The following LRRIQ1 variants were observed in gnomAD, a reference collection of about 807,000 sequenced individuals.
The protein encoded by LRRIQ1 is leucine rich repeats and IQ motif containing 1, also known as leucine-rich repeat- and IQ domain-containing protein 1.
LRRIQ1 carries 210 observed loss-of-function variants against 211.9 expected under a neutral mutation model. The ratio of observed to expected loss-of-function variants is 0.99; its 90% CI spans 0.89 to 1.11. The LOEUF (loss-of-function observed/expected upper bound fraction) is 1.11, where lower values mean the gene tolerates loss of function less well. LRRIQ1 is among the 50% of genes most tolerant of loss of function. LRRIQ1 has a pLI of 0.00. For missense variants in LRRIQ1, 2,136 were observed against 1,939.5 expected (o/e 1.10, Z -1.90); for synonymous variants, 699 against 650.1 (o/e 1.08, Z -1.14).
chr12:85,191,538 A>G (rs1019390954), intron 24 of LRRIQ1, among the ~76,000 whole-genome samples: 2 of 151,998 alleles, frequency 1.3e-5, no homozygotes, highest in East Asian at 1.9e-4. Context: ...CATTGAATGG[A>G]AGTACCACAG....
intron 24 of LRRIQ1, among the ~76,000 whole-genome samples, chr12:85,204,207 A>G (rs1467435340): frequency 1.3e-5 from 2 of 152,170 alleles, no homozygotes; most frequent in Non-Finnish European, 2.9e-5. Context: ...AGTGCACAGA[A>G]GTCAAGAATT....
chr12:85,071,745 A>T (rs1883106975), intron 10 of LRRIQ1, among the ~76,000 whole-genome samples: 3 of 152,022 alleles, frequency 2.0e-5, no homozygotes, highest in Admixed American at 1.3e-4. Flanking sequence ...GAGCAAAGGG[A>T]TGTCTTACAT....
intron 19 of LRRIQ1, among the ~76,000 whole-genome samples, chr12:85,150,537 A>C (rs1258526272): frequency 6.6e-6 from 1 of 151,824 alleles, no homozygotes; most frequent in Non-Finnish European, 1.5e-5. Context: ...CTGATTTAAC[A>C]AGCAATCAAC....
chr12:85,234,079 CAA>C (rs57407994), intron 26 of LRRIQ1, among the ~76,000 whole-genome samples: 7 of 149,866 alleles, frequency 4.7e-5, no homozygotes, highest in Non-Finnish European at 1.0e-4. Context: ...CCCAAAAATA[CAA>C]AAAAAAATAG....
intron 24 of LRRIQ1, among the ~76,000 whole-genome samples, chr12:85,225,124 C>T (rs1422103607): frequency 1.3e-5 from 2 of 151,980 alleles, no homozygotes; most frequent in African/African-American, 4.8e-5. Context: ...TTATACTGAA[C>T]ATGTACAGAT....
chr12:85,145,698 G>A (rs939782681), intron 19 of LRRIQ1, among the ~76,000 whole-genome samples: 1 of 151,572 alleles, frequency 6.6e-6, no homozygotes, highest in African/African-American at 2.4e-5. Context: ...TCTTCTAAAC[G>A]GCTGTTAGCA....
chr12:85,167,511 A>ACTCTTGGACT lies in LRRIQ1; in HGVS notation c.4822+6797_4822+6798insCTCTTGGACT, dbSNP rs1168376698. ...AGAGTCCAAAAGCTGAAGAACTTGG[A>ACTCTTGGACT]GTCCAATGTTCTAGGGCAGGAAGCA... is the stretch of plus-strand genomic sequence containing the variant. On this transcript the variant is annotated intron_variant, in intron 24 of 26. Coordinates refer to ENST00000393217, the MANE Select transcript of LRRIQ1 (RefSeq NM_001079910.2). 2.0e-5 allele frequency among the ~76,000 whole-genome samples: 3 copies of ACTCTTGGACT among 152,126 alleles called. No homozygotes were observed. The East Asian group carries it at 5.8e-4, about 29-fold the overall frequency.
At chr12:85,128,088 A>T in intron 18 of LRRIQ1, 55 bp downstream of exon 18, 1 of 1,271,192 alleles carries the variant, frequency 7.9e-7, no homozygotes, top group Non-Finnish European at 1.1e-6. Flanking sequence ...GTTGTCTTTC[A>T]TGATTTATTC....
At chr12:85,230,228 T>C (rs1353687384) in intron 25 of LRRIQ1, among the ~76,000 whole-genome samples, 1 of 152,222 alleles carries the variant, frequency 6.6e-6, no homozygotes, top group Non-Finnish European at 1.5e-5. Context: ...TATTAATGTA[T>C]GTACCATTTT....
chr12:85,153,604 TA>T, intron 21 of LRRIQ1, 58 bp from the exon 22 acceptor site: 1 of 1,082,690 alleles, frequency 9.2e-7, no homozygotes. Context: ...TTTGTAGTTT[TA>T]AAAAGTGCTG....
intron 5 of LRRIQ1, 137 bp downstream of exon 5, chr12:85,046,274 G>T: frequency 1.8e-6 from 1 of 547,412 alleles, no homozygotes; most frequent in Non-Finnish European, 3.3e-6. Flanking sequence ...TTGTGCCTTT[G>T]CTATACTTAT....
intron 18 of LRRIQ1, among the ~76,000 whole-genome samples, chr12:85,134,234 G>C (rs896602553): frequency 2.6e-5 from 4 of 152,038 alleles, no homozygotes; most frequent in Non-Finnish European, 5.9e-5. Context: ...TATTTAGGTT[G>C]GTGGCTCATA....
At chr12:85,084,411 G>A (rs1466100231) in intron 11 of LRRIQ1, among the ~76,000 whole-genome samples, 1 of 152,060 alleles carries the variant, frequency 6.6e-6, no homozygotes, top group Admixed American at 6.6e-5. Context: ...ATAAGTAAAT[G>A]TAGTTAGGGT....
intron 24 of LRRIQ1, among the ~76,000 whole-genome samples, chr12:85,161,447 G>GT (rs1411004483): frequency 2.0e-5 from 3 of 151,524 alleles, no homozygotes; most frequent in Non-Finnish European, 4.4e-5. Flanking sequence ...TTTAGTATAA[G>GT]TTTTTTATAA....
At chr12:85,117,413 G>A (rs1887657440) in intron 15 of LRRIQ1, among the ~76,000 whole-genome samples, 1 of 152,038 alleles carries the variant, frequency 6.6e-6, no homozygotes, top group Non-Finnish European at 1.5e-5. Flanking sequence ...TATAGTAGGA[G>A]AAGAAAAAAT....
intron 9 of LRRIQ1, among the ~76,000 whole-genome samples, chr12:85,065,941 A>C (rs1882382558): frequency 6.6e-6 from 1 of 151,890 alleles, no homozygotes; most frequent in African/African-American, 2.4e-5. Flanking sequence ...GGTATTACTC[A>C]AGAGCAGGAT....
chr12:85,191,953 T>G (rs1238536735), intron 24 of LRRIQ1, among the ~76,000 whole-genome samples: 1 of 151,958 alleles, frequency 6.6e-6, no homozygotes, highest in East Asian at 1.9e-4. Context: ...TTGACCATAT[T>G]TTAATGGGGT....
chr12:85,140,185 G>A (rs570995596), intron 19 of LRRIQ1, among the ~76,000 whole-genome samples: 1 of 151,360 alleles, frequency 6.6e-6, no homozygotes, highest in South Asian at 2.1e-4. Context: ...GTAAATCGAA[G>A]CCTGCTTTCC....
chr12:85,108,244 G>GTTCT (rs1348365176), intron 15 of LRRIQ1, among the ~76,000 whole-genome samples: 2 of 152,220 alleles, frequency 1.3e-5, no homozygotes, highest in Admixed American at 1.3e-4. Flanking sequence ...CTGTTAGAAT[G>GTTCT]GTCCAAAGAA....
Sources: allele counts gnomAD v4.1 joint callset (sites outside exome capture counted in the v4.1 genomes callset), GRCh38; gene constraint gnomAD v4.1.1; transcripts MANE v1.5; gene names NCBI Gene and HGNC (gene_info 2026-07-23, HGNC 2026-07-21).